The following PDE11A variants were observed in gnomAD, a reference collection of about 807,000 sequenced individuals.
The protein encoded by PDE11A is phosphodiesterase 11A.
PDE11A carries 100 observed loss-of-function variants against 100.5 expected under a neutral mutation model. That is an observed-to-expected ratio of 1.00 (90% CI 0.85 to 1.18). The LOEUF is 1.18. Among genes scored for constraint, PDE11A ranks in the 50% most tolerant of loss-of-function variants. The pLI is 0.00. For missense variants in PDE11A, 1,141 were observed against 1,152.6 expected (o/e 0.99, Z 0.15); for synonymous variants, 381 against 420.8 (o/e 0.91, Z 1.16).
At chr2:177,873,008 A>T (rs1574238747) in intron 5 of PDE11A, among the ~76,000 whole-genome samples, 1 of 152,230 alleles carries the variant, frequency 6.6e-6, no homozygotes, top group African/African-American at 2.4e-5. Flanking sequence ...GTTCAAAGGC[A>T]CTTTTCAAAT....
intron 4 of PDE11A, among the ~76,000 whole-genome samples, chr2:177,885,037 TA>T (rs2084404779): frequency 6.6e-6 from 1 of 152,050 alleles, no homozygotes. Context: ...ACAGTGGGGT[TA>T]GGGGTTCAGT....
intron 5 of PDE11A, among the ~76,000 whole-genome samples, chr2:177,872,452 C>T (rs989672974): frequency 1.3e-5 from 2 of 152,132 alleles, no homozygotes; most frequent in Non-Finnish European, 1.5e-5. Context: ...TGGAGACCAA[C>T]AGGAGACTAG....
intron 19 of PDE11A, among the ~76,000 whole-genome samples, 200 bp from the exon 20 acceptor site, chr2:177,629,762 G>C (rs2079890173): frequency 6.6e-6 from 1 of 152,186 alleles, no homozygotes; most frequent in South Asian, 2.1e-4. Context: ...AGCCTACTTA[G>C]AGAATGAAAA....
rs2080842274 is a variant in PDE11A, at chr2:177,680,245, T to C, written c.2423+581A>G. On this transcript the variant is annotated intron_variant, in intron 16 of 19. Coordinates refer to ENST00000286063, the MANE Select transcript of PDE11A (RefSeq NM_016953.4). ...GGTTGAGGTGGAGAGAGTAGAAGGA[T>C]GGGGTATGAGAGAAAGAGGAATAGT... 2.6e-5 allele frequency among the ~76,000 whole-genome samples: 4 copies of C among 151,966 alleles called. No homozygotes were observed. The South Asian group carries it at 8.3e-4, about 32-fold the overall frequency.
intron 6 of PDE11A, among the ~76,000 whole-genome samples, chr2:177,827,085 G>T (rs558099524): frequency 6.6e-6 from 1 of 152,326 alleles, no homozygotes; most frequent in Admixed American, 6.5e-5. Flanking sequence ...CCACCACAAA[G>T]ATCTGGCAGG....
intron 19 of PDE11A, among the ~76,000 whole-genome samples, chr2:177,661,762 T>C (rs1391105838): frequency 1.3e-5 from 2 of 152,208 alleles, no homozygotes; most frequent in Non-Finnish European, 2.9e-5. Flanking sequence ...AGTATGAATA[T>C]GAGCTTCTGT....
chr2:178,044,133 C>T (rs1010384294), intron 1 of PDE11A, among the ~76,000 whole-genome samples: 2 of 151,992 alleles, frequency 1.3e-5, no homozygotes, highest in Non-Finnish European at 2.9e-5. Flanking sequence ...AATATATTAG[C>T]AAAGATTGAC....
At chr2:177,784,492 C>T (rs2082503022) in intron 9 of PDE11A, among the ~76,000 whole-genome samples, 2 of 152,150 alleles carry the variant, frequency 1.3e-5, no homozygotes, top group Admixed American at 6.5e-5. Flanking sequence ...TAATCTACTC[C>T]TTGTTTAGCA....
intron 9 of PDE11A, among the ~76,000 whole-genome samples, chr2:177,806,333 T>C (rs886719586): frequency 1.3e-5 from 2 of 152,192 alleles, no homozygotes; most frequent in African/African-American, 4.8e-5. Flanking sequence ...GCCTGGGTAG[T>C]TGGGATTGGG....
intron 3 of PDE11A, 145 bp downstream of exon 3, chr2:177,904,953 A>G (rs1321349196): frequency 1.5e-5 from 10 of 676,164 alleles, no homozygotes; most frequent in Non-Finnish European, 2.4e-5. Flanking sequence ...TGTATCTTCA[A>G]CCACAGCCTT....
chr2:177,734,789 T>C (rs371382697), intron 10 of PDE11A, among the ~76,000 whole-genome samples: 2 of 152,070 alleles, frequency 1.3e-5, no homozygotes, highest in Non-Finnish European at 2.9e-5. Flanking sequence ...AAATAGGAAA[T>C]AGTAAGTAAC....
At chr2:178,087,770 T>C (rs866131818) in intron 2 of PDE11A, among the ~76,000 whole-genome samples, 13 of 152,274 alleles carry the variant, frequency 8.5e-5, no homozygotes, top group Middle Eastern at 6.8e-3. Context: ...TTTTCAAACA[T>C]TTTCTAACCT....
chr2:177,656,876 G>A (rs1238733467), intron 19 of PDE11A, among the ~76,000 whole-genome samples: 1 of 152,224 alleles, frequency 6.6e-6, no homozygotes, highest in Non-Finnish European at 1.5e-5. Flanking sequence ...TGAGTCCTGA[G>A]CTTGGGCAAA....
intron 2 of PDE11A, among the ~76,000 whole-genome samples, chr2:177,970,140 T>G (rs1421576882): frequency 6.6e-6 from 1 of 152,176 alleles, no homozygotes; most frequent in East Asian, 1.9e-4. Flanking sequence ...ATATGGGTGA[T>G]TTGTCCAGAG....
At chr2:177,791,534 T>TAAA (rs35728831) in intron 9 of PDE11A, among the ~76,000 whole-genome samples, 2 of 142,720 alleles carry the variant, frequency 1.4e-5, no homozygotes, top group Non-Finnish European at 3.0e-5. Flanking sequence ...ACTTAAAGTA[T>TAAA]AAAAAAAAAA....
At chr2:177,853,895 G>A (rs934136383) in intron 5 of PDE11A, among the ~76,000 whole-genome samples, 1 of 131,868 alleles carries the variant, frequency 7.6e-6, no homozygotes, top group East Asian at 2.2e-4. Context: ...TATGTGTATA[G>A]ATATATATGT....
At chr2:177,681,267 T>C (rs1234493189) in intron 15 of PDE11A, among the ~76,000 whole-genome samples, 1 of 152,214 alleles carries the variant, frequency 6.6e-6, no homozygotes, top group Non-Finnish European at 1.5e-5. Flanking sequence ...AATTCTAGAA[T>C]GTTCTTTTAT....
chr2:177,660,109 CTCTT>C lies in PDE11A; in HGVS notation c.2646+3753_2646+3756del, dbSNP rs1459374496. On this transcript the variant is annotated intron_variant, in intron 19 of 19. Transcript: ENST00000286063. ...TTTCTTTCTTTCTTTCTCTCTCTCT[CTCTT>C]TCTTTCTTTCTTTCTTTCATTCCTT... Among the ~76,000 whole-genome samples the C allele has an allele frequency of 1.4e-3, 126 of 92,964 alleles. 3 individuals are homozygous for C. In the Middle Eastern group the frequency reaches 0.019, roughly 14 times the overall value. The allele number at this position is 92,964 out of a possible 152,430, so 61.0% of individuals were successfully genotyped here.
At chr2:177,886,957 C>T (rs978146992) in intron 4 of PDE11A, among the ~76,000 whole-genome samples, 19 of 152,280 alleles carry the variant, frequency 1.2e-4, no homozygotes, top group African/African-American at 4.6e-4. Flanking sequence ...AGTCCAGAAA[C>T]AGGCTGGCAG....
Sources: allele counts gnomAD v4.1 joint callset (sites outside exome capture counted in the v4.1 genomes callset), GRCh38; gene constraint gnomAD v4.1.1; transcripts MANE v1.5; gene names NCBI Gene and HGNC (gene_info 2026-07-23, HGNC 2026-07-21).